Variants in ACOT12 observed in about 807,000 individuals in gnomAD.
The protein encoded by ACOT12 is acyl-CoA thioesterase 12.
ACOT12 carries 51 observed loss-of-function variants against 67.7 expected under a neutral mutation model. That is an observed-to-expected ratio of 0.75 (90% CI 0.60 to 0.95). ACOT12 has a LOEUF of 0.95. Ranked by LOEUF, ACOT12 falls within the 40% of genes least tolerant of loss-of-function variation. The pLI, the probability that ACOT12 is intolerant of heterozygous loss-of-function variation, is 0.00. For synonymous variants in ACOT12, 251 were observed against 244.6 expected (o/e 1.03, Z -0.24); for missense variants, 734 against 708.1 (o/e 1.04, Z -0.41).
chr5:81,330,322 A>G lies in ACOT12; in HGVS notation c.*72T>C, dbSNP rs1758772571. The G allele has an allele frequency of 6.7e-7, 1 of 1,496,740 alleles. No individual in the cohort carries two copies. Among genetic ancestry groups the G allele is most frequent in the Non-Finnish European group, 9.0e-7 (1 of 1,113,702 alleles). The allele number at this position is 1,496,740 out of a possible 1,614,324, so 92.7% of individuals were successfully genotyped here. On this transcript the variant is annotated 3_prime_UTR_variant, in exon 15 of 15. Transcript: ENST00000307624. ...AATTATTTTGTGGCCCCAAAGCTTG[A>G]CAGATGTCAGGGCTAAGGGTGCTTG...
At chr5:81,381,560 G>C (rs1397468787) in intron 2 of ACOT12, among the ~76,000 whole-genome samples, 1 of 152,064 alleles carries the variant, frequency 6.6e-6, no homozygotes, top group Non-Finnish European at 1.5e-5. Context: ...AGTACACACA[G>C]TGTGTTGAAA....
intron 2 of ACOT12, among the ~76,000 whole-genome samples, chr5:81,373,193 C>T (rs34138509): frequency 0.021 from 3,164 of 152,240 alleles, 61 homozygotes; most frequent in Non-Finnish European, 0.031. Flanking sequence ...ACTGGTTGGA[C>T]AGTGGGTGCA....
chr5:81,341,848 CT>C (rs1759203176), intron 11 of ACOT12, among the ~76,000 whole-genome samples: 1 of 152,132 alleles, frequency 6.6e-6, no homozygotes, highest in Non-Finnish European at 1.5e-5. Flanking sequence ...GACAAGGCCT[CT>C]TTCTTAAGAG....
chr5:81,362,524 AG>A (rs576608433), intron 4 of ACOT12, among the ~76,000 whole-genome samples: 348 of 152,200 alleles, frequency 2.3e-3, no homozygotes, highest in African/African-American at 3.4e-3. Flanking sequence ...CTGAGGCTGG[AG>A]GGGGAATATG....
At chr5:81,380,086 T>A (rs912174588) in intron 2 of ACOT12, among the ~76,000 whole-genome samples, 1 of 152,228 alleles carries the variant, frequency 6.6e-6, no homozygotes, top group Non-Finnish European at 1.5e-5. Context: ...ATTTAAGCAA[T>A]TAATTCCTAT....
intron 1 of ACOT12, among the ~76,000 whole-genome samples, chr5:81,386,046 C>G (rs940905170): frequency 1.3e-5 from 2 of 152,118 alleles, no homozygotes; most frequent in Non-Finnish European, 2.9e-5. Context: ...ACTTTTTATC[C>G]TAATTTTTAA....
rs1384273808 is a variant in ACOT12 at position 81,344,145 on chromosome 5, C to T, written c.980+15G>A. ...ACGAAGACTCCATAAAATCATTACA[C>T]CTTATGTTCCTTACCTGCCTAGGCG... On this transcript the variant is annotated intron_variant, in intron 9 of 14. Coordinates refer to ENST00000307624, the MANE Select transcript of ACOT12 (RefSeq NM_130767.3). 6.2e-7 allele frequency: 1 copy of T among 1,612,988 alleles called. No individual in the cohort carries two copies. Among genetic ancestry groups the T allele is most frequent in the Non-Finnish European group, 8.5e-7 (1 of 1,179,456 alleles).
Position 81,384,386 on chromosome 5 carries a change from C to T in ACOT12, c.197+1371G>A, listed in dbSNP as rs147110650. Among the ~76,000 whole-genome samples the T allele has an allele frequency of 5.3e-5, 8 of 152,090 alleles. No individual in the cohort carries two copies. In the South Asian group the frequency reaches 1.0e-3, roughly 20 times the overall value. On this transcript the variant is annotated intron_variant, in intron 2 of 14. Coordinates refer to ENST00000307624, the MANE Select transcript of ACOT12 (RefSeq NM_130767.3). ...CTGCTGACCTCAGGTGATCCACCCC[C>T]CTAGGCCTCCCAAAGTGCTGGGATT...
intron 5 of ACOT12, among the ~76,000 whole-genome samples, chr5:81,353,713 C>CA (rs982087017): frequency 4.6e-5 from 7 of 152,208 alleles, no homozygotes; most frequent in African/African-American, 9.6e-5. Context: ...CCTGCTTTTA[C>CA]AAAACTAATC....
chr5:81,375,448 A>C (rs1479052558), intron 2 of ACOT12, among the ~76,000 whole-genome samples: 1 of 152,174 alleles, frequency 6.6e-6, no homozygotes, highest in African/African-American at 2.4e-5. Flanking sequence ...AGGCAAAAGA[A>C]TCAGCTAGTA....
chr5:81,350,801 T>G (rs921407559), intron 5 of ACOT12, among the ~76,000 whole-genome samples: 2 of 152,170 alleles, frequency 1.3e-5, no homozygotes. Flanking sequence ...AGGCTAAGGC[T>G]CTCTGGAGGG....
intron 5 of ACOT12, among the ~76,000 whole-genome samples, chr5:81,355,175 A>G (rs1424748669): frequency 6.6e-6 from 1 of 152,210 alleles, no homozygotes; most frequent in Non-Finnish European, 1.5e-5. Context: ...GGACCTCTCA[A>G]ACAATAATAG....
chr5:81,339,488 G>A (rs1381799539), intron 11 of ACOT12, among the ~76,000 whole-genome samples: 1 of 152,160 alleles, frequency 6.6e-6, no homozygotes, highest in African/African-American at 2.4e-5. Flanking sequence ...TTTCCACCAG[G>A]AGAACTTGGC....
intron 3 of ACOT12, among the ~76,000 whole-genome samples, chr5:81,371,399 C>A (rs1219491348): frequency 6.6e-6 from 1 of 151,772 alleles, no homozygotes; most frequent in Non-Finnish European, 1.5e-5. Flanking sequence ...GCTACAGGCA[C>A]TTACCACTGT....
At chr5:81,348,765 T>C (rs866905465) in intron 5 of ACOT12, among the ~76,000 whole-genome samples, 1 of 152,154 alleles carries the variant, frequency 6.6e-6, no homozygotes, top group East Asian at 1.9e-4. Context: ...GTTTTCACCA[T>C]GTTGGCCAGG....
Position 81,343,821 on chromosome 5 carries a change from C to G in ACOT12, c.1041G>C (p.Lys347Asn). 1.9e-6 allele frequency: 3 copies of G among 1,611,824 alleles called. 1 individual carries two copies. In the South Asian group the frequency reaches 3.3e-5, roughly 18 times the overall value. Residue 347 changes from lysine to asparagine, a missense_variant, in exon 10 of 15, where the codon AAG becomes AAC. Coordinates refer to ENST00000307624, the MANE Select transcript of ACOT12 (RefSeq NM_130767.3). ...VPLCIHWDIS[K>N]QASLSDSNVE... ...GCTCCAAATCACAAAACATCACCTGCTTGCTGATATCCCAGTGTATGCAAA... is the reference window on the plus strand; with the variant it reads ...GCTCCAAATCACAAAACATCACCTGGTTGCTGATATCCCAGTGTATGCAAA...
At chr5:81,333,942 A>G (rs1275994500) in intron 12 of ACOT12, among the ~76,000 whole-genome samples, 2 of 151,134 alleles carry the variant, frequency 1.3e-5, no homozygotes, top group African/African-American at 4.9e-5. Context: ...AAAACCCGAG[A>G]CCCTAGCGGG....
At chr5:81,387,162 T>C (rs1035397384) in intron 1 of ACOT12, among the ~76,000 whole-genome samples, 5 of 151,906 alleles carry the variant, frequency 3.3e-5, no homozygotes, top group African/African-American at 9.7e-5. Context: ...TGCACCACCA[T>C]GCCCAGCTAA....
the ACOT12 span, among the ~76,000 whole-genome samples, chr5:81,315,627 T>C: frequency 2.8e-4 from 43 of 152,220 alleles, no homozygotes; most frequent in Non-Finnish European, 5.3e-4. Flanking sequence ...GGGTAGCTCT[T>C]AGATTGGATA....
Sources: allele counts gnomAD v4.1 joint callset (sites outside exome capture counted in the v4.1 genomes callset), GRCh38; gene constraint gnomAD v4.1.1; transcripts MANE v1.5; gene names NCBI Gene and HGNC (gene_info 2026-07-23, HGNC 2026-07-21).